The following ENOX2 variants were observed in gnomAD, a reference collection of about 807,000 sequenced individuals.
ENOX2 encodes APK1 antigen.
In ENOX2, 36 loss-of-function variants were observed where a neutral mutation model predicts 45.0. The ratio of observed to expected loss-of-function variants is 0.80; its 90% confidence interval spans 0.61 to 1.06. ENOX2 has a LOEUF of 1.06. ENOX2 is among the 50% of genes least tolerant of loss of function. The pLI, the probability that ENOX2 is intolerant of heterozygous loss-of-function variation, is 0.00. For missense variants in ENOX2, 423 were observed against 462.5 expected, an observed-to-expected ratio of 0.91 and a Z score of 0.78; for synonymous variants, 174 against 152.3, an observed-to-expected ratio of 1.14 and a Z score of -1.05.
At chrX:130,881,119 C>T (rs190345397) in intron 2 of ENOX2, among the ~76,000 whole-genome samples, 1 of 111,868 alleles carries the variant, frequency 8.9e-6, no homozygotes, top group Admixed American at 9.5e-5. Flanking sequence ...TTTAATTAAA[C>T]TTAATAAAAC....
intron 3 of ENOX2, chrX:130,709,282 C>G (rs1180506827): frequency 6.6e-6 from 8 of 1,206,252 alleles, no homozygotes; most frequent in Non-Finnish European, 7.9e-6. Context: ...CATCTAAAAT[C>G]TCTTTGCATT....
chrX:130,826,657 T>A (rs1338104213), intron 2 of ENOX2, among the ~76,000 whole-genome samples: 3 of 111,959 alleles, frequency 2.7e-5, no homozygotes, highest in African/African-American at 9.7e-5. Flanking sequence ...GGAAAATTTT[T>A]AAAAGTGAAC....
intron 3 of ENOX2, among the ~76,000 whole-genome samples, chrX:130,704,525 C>T (rs1334931031): frequency 4.5e-5 from 5 of 110,682 alleles, no homozygotes; most frequent in African/African-American, 1.6e-4. Context: ...ATAGAAAAAT[C>T]TTTCTATGGC....
At chrX:130,695,673 T>G (rs2037738438) in intron 4 of ENOX2, among the ~76,000 whole-genome samples, 1 of 112,178 alleles carries the variant, frequency 8.9e-6, no homozygotes, top group Admixed American at 9.4e-5. Context: ...TATAGAAAGT[T>G]ATGATTTCAA....
chrX:130,675,653 T>C (rs1449595243), intron 6 of ENOX2, among the ~76,000 whole-genome samples: 1 of 111,909 alleles, frequency 8.9e-6, no homozygotes, highest in African/African-American at 3.3e-5. Context: ...AATGTGTGAT[T>C]CCATTTATGT....
chrX:130,649,318 CAA>C (rs375062441), intron 10 of ENOX2, among the ~76,000 whole-genome samples: 4 of 85,829 alleles, frequency 4.7e-5, no homozygotes, highest in Admixed American at 1.3e-4. Flanking sequence ...CAAGTATATA[CAA>C]AAAAAAAAAA....
intron 2 of ENOX2, among the ~76,000 whole-genome samples, chrX:130,862,032 C>A (rs1210650923): frequency 9.0e-6 from 1 of 111,700 alleles, no homozygotes; most frequent in Non-Finnish European, 1.9e-5. Context: ...CTTTTAAAAA[C>A]CACATTATAT....
At chrX:130,853,281 G>A (rs2078245593) in intron 2 of ENOX2, among the ~76,000 whole-genome samples, 1 of 108,387 alleles carries the variant, frequency 9.2e-6, no homozygotes. Flanking sequence ...ATGAGACCAA[G>A]GTGAAACCCC....
At chrX:130,880,065 G>A (rs1401710164) in intron 2 of ENOX2, among the ~76,000 whole-genome samples, 1 of 111,972 alleles carries the variant, frequency 8.9e-6, no homozygotes, top group Non-Finnish European at 1.9e-5. Context: ...AGGCAGTTCA[G>A]TGAGGTTGGA....
chrX:130,684,409 C>T (rs1395204464), intron 5 of ENOX2, among the ~76,000 whole-genome samples: 1 of 112,099 alleles, frequency 8.9e-6, no homozygotes, highest in Non-Finnish European at 1.9e-5. Flanking sequence ...ACTATAATAC[C>T]ATTTTTTGTA....
intron 2 of ENOX2, among the ~76,000 whole-genome samples, chrX:130,794,005 G>A (rs905916218): frequency 8.9e-6 from 1 of 112,059 alleles, no homozygotes; most frequent in Non-Finnish European, 1.9e-5. Context: ...TTATTTTGTT[G>A]TAGTTTAGCC....
intron 3 of ENOX2, among the ~76,000 whole-genome samples, chrX:130,749,471 T>A (rs748550272): frequency 8.1e-5 from 9 of 111,775 alleles, no homozygotes; most frequent in Non-Finnish European, 1.5e-4. Context: ...GAAGGTTTCA[T>A]GTGTTTGCTT....
At chrX:130,671,193 CT>C (rs2036980644) in intron 6 of ENOX2, among the ~76,000 whole-genome samples, 1 of 111,981 alleles carries the variant, frequency 8.9e-6, no homozygotes, top group Admixed American at 9.4e-5. Flanking sequence ...CCAACATAGA[CT>C]TTTGCTTCTG....
intron 2 of ENOX2, among the ~76,000 whole-genome samples, chrX:130,834,371 C>G (rs753394705): frequency 9.0e-6 from 1 of 111,211 alleles, no homozygotes; most frequent in East Asian, 2.8e-4. Context: ...CACTGGGCTC[C>G]GGTTTCTGGT....
intron 4 of ENOX2, among the ~76,000 whole-genome samples, chrX:130,701,104 T>C (rs1016805080): frequency 4.5e-5 from 5 of 111,934 alleles, no homozygotes; most frequent in Non-Finnish European, 7.5e-5. Flanking sequence ...TATTGAATAT[T>C]ACTTTGTGAG....
At chrX:130,654,389 CA>C (rs1248130603) in intron 10 of ENOX2, among the ~76,000 whole-genome samples, 4 of 108,115 alleles carry the variant, frequency 3.7e-5, no homozygotes, top group African/African-American at 1.4e-4. Flanking sequence ...AAAATCTAAC[CA>C]GAAACATACC....
intron 2 of ENOX2, among the ~76,000 whole-genome samples, chrX:130,864,406 T>G (rs1358246064): frequency 9.0e-6 from 1 of 111,449 alleles, no homozygotes; most frequent in East Asian, 2.8e-4. Context: ...CAGGCTCAGT[T>G]GCAGCTTAAC....
chrX:130,695,063 T>C (rs750552216), intron 4 of ENOX2, among the ~76,000 whole-genome samples: 4 of 111,908 alleles, frequency 3.6e-5, no homozygotes, highest in African/African-American at 6.5e-5. Flanking sequence ...AAGTAGCTCT[T>C]ACTAAACGTG....
intron 10 of ENOX2, among the ~76,000 whole-genome samples, chrX:130,654,921 T>C (rs2036507270): frequency 8.9e-6 from 1 of 111,993 alleles, no homozygotes; most frequent in Non-Finnish European, 1.9e-5. Context: ...GAGTCTCCCA[T>C]ATACCCCTCT....
Sources: gnomAD v4.1 joint callset for allele counts (sites outside exome capture counted in the v4.1 genomes callset) on GRCh38, gnomAD v4.1.1 for gene constraint, MANE v1.5 for transcripts, NCBI Gene and HGNC (gene_info 2026-07-23, HGNC 2026-07-21) for gene names.